ROBO2: variants seen among roughly 807,000 people sequenced by gnomAD.
ROBO2 encodes the protein roundabout guidance receptor 2.
A neutral mutation model predicts 160.8 loss-of-function variants in ROBO2; 53 were observed. The observed-to-expected ratio is 0.33, with a 90% confidence interval of 0.26 to 0.41. The LOEUF is 0.41. ROBO2 is among the 10% of genes least tolerant of loss of function. ROBO2 has a pLI of 1.00. For missense variants in ROBO2, 1,577 were observed against 1,722.4 expected, an observed-to-expected ratio of 0.92 and a Z score of 1.49; for synonymous variants, 664 against 611.7, an observed-to-expected ratio of 1.09 and a Z score of -1.26.
intron 2 of ROBO2, among the ~76,000 whole-genome samples, chr3:76,041,535 A>T (rs574485818): frequency 1.3e-5 from 2 of 152,170 alleles, no homozygotes; most frequent in Admixed American, 6.5e-5. Context: ...TAAGAAACAT[A>T]TGTGTATTTT....
At chr3:77,324,463 T>G (rs956371443) in intron 2 of ROBO2, among the ~76,000 whole-genome samples, 1 of 151,770 alleles carries the variant, frequency 6.6e-6, no homozygotes, top group Non-Finnish European at 1.5e-5. Context: ...GTAGGGAAAG[T>G]AGAAACACAA....
chr3:76,147,746 G>C (rs2106815303), intron 2 of ROBO2, among the ~76,000 whole-genome samples: 1 of 152,032 alleles, frequency 6.6e-6, no homozygotes, highest in African/African-American at 2.4e-5. Flanking sequence ...TTTTGGGCTG[G>C]AGTATTATGG....
chr3:76,520,653 C>G (rs960637352), intron 2 of ROBO2, among the ~76,000 whole-genome samples: 8 of 152,068 alleles, frequency 5.3e-5, no homozygotes, highest in African/African-American at 1.9e-4. Context: ...TGGTCTATAC[C>G]ACTGTGGGAC....
chr3:77,391,486 C>T (rs768616446), intron 2 of ROBO2, among the ~76,000 whole-genome samples: 3 of 151,830 alleles, frequency 2.0e-5, no homozygotes, highest in Non-Finnish European at 2.9e-5. Flanking sequence ...CAGCAAGGGA[C>T]GTCTTACATG....
intron 2 of ROBO2, among the ~76,000 whole-genome samples, chr3:76,518,844 AAGTCAGTCT>A (rs990669249): frequency 6.6e-6 from 1 of 152,164 alleles, no homozygotes; most frequent in African/African-American, 2.4e-5. Context: ...TTAGAAGCTA[AAGTCAGTCT>A]TTGGCCATAG....
In ROBO2 at chr3:76,057,516, G is replaced by A. The variant is rs578240920; in HGVS notation, c.109+119914G>A. On this transcript the variant is annotated intron_variant, in intron 2 of 26. Coordinates refer to the ROBO2 transcript ENST00000487694. ...AGTCAGTTTTGGGTCACAAAAAGGG[G>A]TTGTGCTGCACACTTCTGCATTCGG... Among the ~76,000 whole-genome samples the A allele has an allele frequency of 5.3e-5, 8 of 152,206 alleles. No homozygotes were observed. In the South Asian group the frequency reaches 1.5e-3, roughly 28 times the overall value.
At chr3:76,363,315 C>T (rs1185892967) in intron 2 of ROBO2, among the ~76,000 whole-genome samples, 1 of 151,934 alleles carries the variant, frequency 6.6e-6, no homozygotes, top group East Asian at 1.9e-4. Context: ...TGGCTTTTTG[C>T]AATTCATCAG....
In ROBO2 at chr3:76,798,797, A is replaced by G. The variant is rs138912580; in HGVS notation, c.110-299217A>G. Among the ~76,000 whole-genome samples, 217 of 151,966 alleles carry G rather than the reference A, an allele frequency of 1.4e-3. 1 individual carries two copies. The highest frequency in any genetic ancestry group is 5.1e-3 in the African/African-American group (212 of 41,438). The stretch of plus-strand genomic sequence containing the variant: ...AGTCCCAGCTACTCAGCAGGCTGAG[A>G]TGGGAGAATTGGTTGAGACTGGAAA... On this transcript the variant is annotated intron_variant, in intron 2 of 26. Coordinates refer to the ROBO2 transcript ENST00000487694.
intron 2 of ROBO2, among the ~76,000 whole-genome samples, chr3:77,395,930 T>G (rs2075239306): frequency 6.6e-6 from 1 of 152,058 alleles, no homozygotes; most frequent in Admixed American, 6.6e-5. Flanking sequence ...CCCCTTTTTT[T>G]TTAACTTAAT....
At chr3:76,714,622 A>G (rs999766749) in intron 2 of ROBO2, among the ~76,000 whole-genome samples, 1 of 152,194 alleles carries the variant, frequency 6.6e-6, no homozygotes, top group African/African-American at 2.4e-5. Context: ...GATAGTGACT[A>G]GGGGACCCCC....
chr3:76,845,027 C>T (rs1417683384), intron 2 of ROBO2, among the ~76,000 whole-genome samples: 1 of 151,874 alleles, frequency 6.6e-6, no homozygotes, highest in Non-Finnish European at 1.5e-5. Flanking sequence ...ATATTCTCTG[C>T]TGATCAAAAT....
chr3:76,187,441 A>AT (rs1297243642), intron 2 of ROBO2, among the ~76,000 whole-genome samples: 1 of 121,716 alleles, frequency 8.2e-6, no homozygotes, highest in Non-Finnish European at 1.9e-5. Flanking sequence ...CACCCAACTG[A>AT]TTTTTTAATG....
At chr3:75,912,275 T>C (rs1252978044) in intron 1 of ROBO2, among the ~76,000 whole-genome samples, 2 of 152,242 alleles carry the variant, frequency 1.3e-5, no homozygotes, top group African/African-American at 2.4e-5. Context: ...AACAGTTTTA[T>C]GCTGTCATTC....
intron 2 of ROBO2, among the ~76,000 whole-genome samples, chr3:76,170,767 C>A (rs1197483430): frequency 3.3e-5 from 5 of 152,114 alleles, no homozygotes; most frequent in Admixed American, 2.6e-4. Context: ...ATCATACATA[C>A]ATATATCACT....
chr3:77,217,224 C>A (rs915160262), intron 2 of ROBO2, among the ~76,000 whole-genome samples: 2 of 151,922 alleles, frequency 1.3e-5, no homozygotes, highest in Admixed American at 6.6e-5. Flanking sequence ...CTCACTGCAA[C>A]CTCTGCCTCC....
intron 2 of ROBO2, among the ~76,000 whole-genome samples, chr3:75,969,282 G>T (rs1406972003): frequency 6.6e-6 from 1 of 151,292 alleles, no homozygotes; most frequent in Middle Eastern, 3.5e-3. Flanking sequence ...TGGGAATACA[G>T]ATATATCTTT....
At chr3:76,553,043 G>A (rs1441112364) in intron 2 of ROBO2, among the ~76,000 whole-genome samples, 2 of 152,130 alleles carry the variant, frequency 1.3e-5, no homozygotes, top group African/African-American at 4.8e-5. Context: ...TGGGGTAGAC[G>A]GCTGATGAAT....
At chr3:76,659,022 T>C (rs927955784) in intron 2 of ROBO2, among the ~76,000 whole-genome samples, 4 of 152,108 alleles carry the variant, frequency 2.6e-5, no homozygotes, top group African/African-American at 9.7e-5. Flanking sequence ...TCAAAGGATA[T>C]GTTTTTTAAA....
intron 2 of ROBO2, among the ~76,000 whole-genome samples, chr3:75,965,884 G>A (rs931007469): frequency 2.6e-5 from 4 of 151,730 alleles, no homozygotes; most frequent in African/African-American, 7.2e-5. Context: ...ATATATTAAA[G>A]TATCTTAATC....
Sources: allele counts gnomAD v4.1 joint callset (sites outside exome capture counted in the v4.1 genomes callset), GRCh38; gene constraint gnomAD v4.1.1; transcripts MANE v1.5; gene names NCBI Gene and HGNC (gene_info 2026-07-23, HGNC 2026-07-21).